Variants in ASCC2 observed in about 807,000 individuals in gnomAD.
The protein encoded by ASCC2 is ASC-1 complex subunit P100.
Under a neutral mutation model 93.5 loss-of-function variants are expected in ASCC2, and 42 were observed. The ratio of observed to expected loss-of-function variants is 0.45; its 90% CI spans 0.35 to 0.58. The LOEUF (loss-of-function observed/expected upper bound fraction) is 0.58, where lower values mean the gene tolerates loss of function less well. Ranked by LOEUF, ASCC2 falls within the 20% of genes least tolerant of loss-of-function variation. The pLI is 0.00. For missense variants in ASCC2, 859 were observed against 977.6 expected (o/e 0.88, Z 1.62); for synonymous variants, 364 against 384.2 (o/e 0.95, Z 0.62).
rs747791409 is a variant in ASCC2, at chr22:29,802,215, T to C, written c.1354-7A>G. 4 of 1,613,600 alleles carry C rather than the reference T, an allele frequency of 2.5e-6. No individual in the cohort carries two copies. The highest frequency in any genetic ancestry group is 1.7e-5 in the Admixed American group (1 of 60,014). ...CCGCGGCTGCTCCCATGCACTGTAG[T>C]GAGAGCCAGAGCCAAGAAGGGGAAG... On this transcript the variant is annotated splice_region_variant and splice_polypyrimidine_tract_variant and intron_variant, in intron 13 of 19. Coordinates refer to ENST00000307790, the MANE Select transcript of ASCC2 (RefSeq NM_032204.5).
intron 1 of ASCC2, chr22:29,833,518 T>G: frequency 2.2e-6 from 1 of 460,460 alleles, no homozygotes; most frequent in South Asian, 1.6e-5. Context: ...TGCAAGCTCC[T>G]TTCTACAAAG....
At chr22:29,834,900 C>T (rs2063587925) in intron 1 of ASCC2, among the ~76,000 whole-genome samples, 1 of 152,088 alleles carries the variant, frequency 6.6e-6, no homozygotes, top group South Asian at 2.1e-4. Flanking sequence ...GCTGGAAACA[C>T]CACTGCTCTG....
At chr22:29,807,689 TA>T (rs906939033) in intron 9 of ASCC2, among the ~76,000 whole-genome samples, 5 of 150,896 alleles carry the variant, frequency 3.3e-5, no homozygotes, top group African/African-American at 4.9e-5. Context: ...GCTAAGAGTT[TA>T]AAAAAAAATG....
At chr22:29,809,741 T>C (rs1213464040) in intron 8 of ASCC2, among the ~76,000 whole-genome samples, 2 of 151,944 alleles carry the variant, frequency 1.3e-5, no homozygotes, top group African/African-American at 4.8e-5. Flanking sequence ...ATTGTGCCAC[T>C]GTACCCTAGC....
Position 29,832,315 on chromosome 22 carries a change from A to T in ASCC2, c.11T>A (p.Leu4Gln), listed in dbSNP as rs1371984452. The change falls in exon 2 of 20, where the codon CTG (leucine) becomes CAG (glutamine). Residue 4 changes from leucine (L) to glutamine (Q), a missense_variant. Leu to Gln is a moderately radical substitution (Grantham distance 113). Transcript: ENST00000307790. Reference protein sequence around the residue: MPALPLDQLQITHK... With the variant: MPAQPLDQLQITHK... ...GGTGATCTGGAGTTGGTCCAGGGGCAGAGCTGGCATTGTGCTGCGTGACCC... is the reference window on the plus strand; with the variant it reads ...GGTGATCTGGAGTTGGTCCAGGGGCTGAGCTGGCATTGTGCTGCGTGACCC... The T allele has an allele frequency of 6.2e-7, 1 of 1,613,784 alleles. No homozygotes were observed. The highest frequency in any genetic ancestry group is 1.7e-5 in the Admixed American group (1 of 59,978).
chr22:29,819,441 C>T (rs1287639643), intron 5 of ASCC2, among the ~76,000 whole-genome samples: 1 of 152,168 alleles, frequency 6.6e-6, no homozygotes, highest in African/African-American at 2.4e-5. Flanking sequence ...GAATTACAGG[C>T]GTGAGCCACC....
At chr22:29,810,680 C>T (rs2060181130) in intron 8 of ASCC2, among the ~76,000 whole-genome samples, 1 of 151,998 alleles carries the variant, frequency 6.6e-6, no homozygotes, top group Non-Finnish European at 1.5e-5. Context: ...GGAATTATTC[C>T]TCAGATATAC....
rs758587434 is a variant in ASCC2 at position 29,802,073 on chromosome 22, C to T, written c.1489G>A (p.Asp497Asn). The T allele has an allele frequency of 4.3e-6, 7 of 1,614,128 alleles. No individual in the cohort carries two copies. The highest frequency in any genetic ancestry group is 1.1e-5 in the South Asian group (1 of 91,064). ...ILACLEYYHY[D>N]PEQVINNILE... ...ATATTGTTGATCACCTGCTCTGGGTCGTAGTGGTAGTACTCCAGGCAGGCC... is the reference window on the plus strand; with the variant it reads ...ATATTGTTGATCACCTGCTCTGGGTTGTAGTGGTAGTACTCCAGGCAGGCC... Residue 497 changes from aspartate to asparagine, a missense_variant, in exon 14 of 20, where the codon GAC (aspartate) becomes AAC (asparagine). Asp to Asn is a conservative substitution (Grantham distance 23). Coordinates refer to ENST00000307790, the MANE Select transcript of ASCC2 (RefSeq NM_032204.5).
chr22:29,796,412 C>G (rs2058447754), intron 15 of ASCC2, among the ~76,000 whole-genome samples: 1 of 152,056 alleles, frequency 6.6e-6, no homozygotes. Flanking sequence ...GTGGAGATGA[C>G]AGACCAGTCA....
At chr22:29,793,827 G>A in intron 15 of ASCC2, 151 bp from the exon 16 acceptor site, 2 of 745,250 alleles carry the variant, frequency 2.7e-6, no homozygotes, top group South Asian at 1.8e-5. Context: ...GGGCGTGGGA[G>A]GGTGGGACTG....
intron 5 of ASCC2, among the ~76,000 whole-genome samples, chr22:29,817,771 G>A (rs1302689118): frequency 6.6e-6 from 1 of 152,130 alleles, no homozygotes; most frequent in Admixed American, 6.6e-5. Context: ...TGATTCTAAT[G>A]ACAGTGACGA....
chr22:29,834,623 C>A, intron 1 of ASCC2: 1 of 467,456 alleles, frequency 2.1e-6, no homozygotes, highest in Non-Finnish European at 4.4e-6. Context: ...CTTTGCAAAG[C>A]ATAGATAATA....
Position 29,806,300 on chromosome 22 carries a change from G to A in ASCC2, c.1086-10C>T. 1 of 1,613,750 alleles carries A rather than the reference G, an allele frequency of 6.2e-7. No individual in the cohort carries two copies. Among genetic ancestry groups the A allele is most frequent in the Non-Finnish European group, 8.5e-7 (1 of 1,179,626 alleles). ...ATAGTCCCGGAGGAACCTGCAGGCA[G>A]ATGAGAGCAGATGGGATGGACAGAG... is the stretch of plus-strand genomic sequence containing the variant. On this transcript the variant is annotated splice_polypyrimidine_tract_variant and intron_variant, in intron 11 of 19. Transcript: ENST00000307790.
At chr22:29,807,648 G>A (rs1450223032) in intron 9 of ASCC2, among the ~76,000 whole-genome samples, 1 of 152,056 alleles carries the variant, frequency 6.6e-6, no homozygotes, top group African/African-American at 2.4e-5. Flanking sequence ...CTTCATACAA[G>A]TCTACAGAGA....
intron 2 of ASCC2, among the ~76,000 whole-genome samples, chr22:29,831,105 C>G (rs2063090625): frequency 6.6e-6 from 1 of 152,242 alleles, no homozygotes; most frequent in Non-Finnish European, 1.5e-5. Context: ...TCAGTCCACA[C>G]TCACTATTCA....
At chr22:29,836,379 CAAAAAAAAAAAA>C (rs999851531) in intron 1 of ASCC2, 1 of 35,496 alleles carries the variant, frequency 2.8e-5, no homozygotes, top group Non-Finnish European at 6.1e-5. Flanking sequence ...GACTCCATCT[CAAAAAAAAAAAA>C]AAAAAAAAAA....
chr22:29,791,511 C>T (rs1167248523), intron 18 of ASCC2, among the ~76,000 whole-genome samples: 1 of 152,216 alleles, frequency 6.6e-6, no homozygotes, highest in Non-Finnish European at 1.5e-5. Flanking sequence ...GAAACCCCGT[C>T]TTTACTGAAA....
intron 4 of ASCC2, 109 bp downstream of exon 4, chr22:29,824,978 G>C: frequency 1.9e-6 from 2 of 1,069,992 alleles, no homozygotes; most frequent in East Asian, 2.9e-5. Context: ...ATGGAAGAGA[G>C]ACAAAGAGGA....
Position 29,806,805 on chromosome 22 carries a change from T to C in ASCC2, c.1008A>G (p.Leu336=), listed in dbSNP as rs1329046833. Residue 336 remains leucine, a synonymous_variant, in exon 10 of 20, where the codon CTA becomes CTG. Transcript: ENST00000307790. The stretch of plus-strand genomic sequence containing the variant: ...AATTCGTGAGGGCTTACCTGCTTTC[T>C]AGGATGGGAAGGAGGCAGATCTGGT... The part of the protein sequence containing the change: ...ILNQICLLPI[L]ESSCDNIQGF... The C allele has an allele frequency of 2.1e-5, 34 of 1,611,230 alleles. No homozygotes were observed. The East Asian group carries it at 6.9e-4, about 33-fold the overall frequency.
Sources: gnomAD v4.1 joint callset for allele counts (sites outside exome capture counted in the v4.1 genomes callset) on GRCh38, gnomAD v4.1.1 for gene constraint, MANE v1.5 for transcripts, NCBI Gene and HGNC (gene_info 2026-07-23, HGNC 2026-07-21) for gene names.